The following DACH2 variants were observed in gnomAD, a reference collection of about 807,000 sequenced individuals.
DACH2 encodes the protein dachshund homolog 2.
A neutral mutation model predicts 35.8 loss-of-function variants in DACH2; 17 were observed. That is an observed-to-expected ratio of 0.48 (90% CI 0.33 to 0.71). DACH2 has a LOEUF of 0.71. Ranked by LOEUF, DACH2 falls within the 30% of genes least tolerant of loss-of-function variation. The probability of loss-of-function intolerance (pLI) is 0.02; values close to 1 mark genes in which losing one functional copy is unlikely to be tolerated. For synonymous variants in DACH2, 195 were observed against 177.3 expected, an observed-to-expected ratio of 1.10 and a Z score of -0.79; for missense variants, 469 against 472.7, an observed-to-expected ratio of 0.99 and a Z score of 0.07.
At chrX:86,246,728 C>T (rs73514101) in intron 1 of DACH2, among the ~76,000 whole-genome samples, 2,003 of 111,681 alleles carry the variant, frequency 0.018, 43 homozygotes, top group African/African-American at 0.062. Flanking sequence ...AAGTATATTG[C>T]CAAAACATAC....
intron 1 of DACH2, among the ~76,000 whole-genome samples, chrX:86,344,464 T>C (rs893594964): frequency 9.1e-6 from 1 of 109,597 alleles, no homozygotes; most frequent in Non-Finnish European, 1.9e-5. Flanking sequence ...TTATGTTTAC[T>C]TTTTTGTTGT....
At chrX:86,379,317 T>C (rs1370591392) in intron 2 of DACH2, among the ~76,000 whole-genome samples, 1 of 110,674 alleles carries the variant, frequency 9.0e-6, no homozygotes, top group Non-Finnish European at 1.9e-5. Context: ...TGAGATTTTA[T>C]TAAAAGGTAA....
intron 1 of DACH2, among the ~76,000 whole-genome samples, chrX:86,249,513 A>G (rs4828138): frequency 0.45 from 49,362 of 110,240 alleles, 9,117 homozygotes; most frequent in Non-Finnish European, 0.59. Context: ...ATCATCTCAT[A>G]CTAGTCAGAA....
chrX:86,684,143 A>T (rs1422370448), intron 4 of DACH2, among the ~76,000 whole-genome samples: 1 of 111,672 alleles, frequency 9.0e-6, no homozygotes, highest in Non-Finnish European at 1.9e-5. Flanking sequence ...GTGAGTAATA[A>T]TTAACTCTCA....
chrX:86,665,682 G>A (rs986368835), intron 4 of DACH2, among the ~76,000 whole-genome samples: 7 of 110,851 alleles, frequency 6.3e-5, no homozygotes, highest in Non-Finnish European at 1.3e-4. Context: ...ATATTTTTTT[G>A]TATCATCTAT....
At position 86,814,697 on chromosome X, in the gene DACH2, A is replaced by T; in HGVS notation, c.1547A>T (p.Gln516Leu). 2.5e-6 allele frequency: 3 copies of T among 1,211,391 alleles called. No individual in the cohort carries two copies. Among genetic ancestry groups the T allele is most frequent in the Non-Finnish European group, 3.4e-6 (3 of 895,220 alleles). The change falls in exon 10 of 12, where the codon CAA (glutamine) becomes CTA (leucine). Residue 516 changes from glutamine to leucine, a missense_variant. Around this residue, in one of 3 missense-constraint regions of DACH2, gnomAD observed 363 missense variants for 334.4 expected, o/e 1.09. Transcript: ENST00000373125. ...AVELQSRTTM[Q>L]KRLKKEKKTK... ...ACCTTTTACATTTCAGCTACTATGC[A>T]AAAGCGCCTGAAGAAGGAGAAAAAA...
At chrX:86,725,402 C>A (rs1194363974) in intron 6 of DACH2, among the ~76,000 whole-genome samples, 2 of 111,713 alleles carry the variant, frequency 1.8e-5, no homozygotes, top group African/African-American at 6.5e-5. Context: ...GTAATCTATA[C>A]ATTTTTTTCT....
intron 3 of DACH2, among the ~76,000 whole-genome samples, chrX:86,540,888 A>G (rs1349126902): frequency 8.9e-6 from 1 of 111,878 alleles, no homozygotes; most frequent in African/African-American, 3.2e-5. Flanking sequence ...TATGAATGCT[A>G]ATGGTATACT....
chrX:86,616,097 T>C (rs1433238764), intron 3 of DACH2, among the ~76,000 whole-genome samples: 1 of 111,480 alleles, frequency 9.0e-6, no homozygotes, highest in Non-Finnish European at 1.9e-5. Flanking sequence ...CCAAAACACA[T>C]GATCTCATTC....
intron 6 of DACH2, among the ~76,000 whole-genome samples, chrX:86,719,810 G>T (rs757291844): frequency 9.1e-6 from 1 of 110,404 alleles, no homozygotes; most frequent in Admixed American, 9.6e-5. Context: ...TGAGATTTGG[G>T]TGGGGACACA....
intron 1 of DACH2, among the ~76,000 whole-genome samples, chrX:86,321,559 C>G (rs1472622262): frequency 8.9e-6 from 1 of 112,036 alleles, no homozygotes; most frequent in Admixed American, 9.5e-5. Flanking sequence ...TATGGGGTCA[C>G]AGGCCATCCA....
chrX:86,215,578 CT>C (rs748107429), intron 1 of DACH2, among the ~76,000 whole-genome samples: 1 of 109,290 alleles, frequency 9.1e-6, no homozygotes, highest in South Asian at 3.8e-4. Context: ...CCATTGACCC[CT>C]GTCTACCAGT....
intron 1 of DACH2, among the ~76,000 whole-genome samples, chrX:86,247,259 A>G (rs889628869): frequency 3.6e-5 from 4 of 111,666 alleles, no homozygotes; most frequent in Non-Finnish European, 3.8e-5. Flanking sequence ...CAAGAAAAGA[A>G]GTAACCAAAA....
In DACH2 at chrX:86,282,041, G is replaced by A. The variant is rs6652448; in HGVS notation, c.489-94783G>A. 9.6e-3 allele frequency among the ~76,000 whole-genome samples: 1,080 copies of A among 112,184 alleles called. 9 individuals are homozygous for A. The highest frequency in any genetic ancestry group is 0.03 in the African/African-American group (921 of 30,865). ...GAAAAACATTCTATGCTCAGGTATAGGAAGAATGAATATCGTGAAAATAGC... is the reference window on the plus strand; with the variant it reads ...GAAAAACATTCTATGCTCAGGTATAAGAAGAATGAATATCGTGAAAATAGC... On this transcript the variant is annotated intron_variant, in intron 1 of 11. Transcript: ENST00000373125.
At chrX:86,806,707 G>A (rs1027266169) in intron 7 of DACH2, among the ~76,000 whole-genome samples, 7 of 112,150 alleles carry the variant, frequency 6.2e-5, no homozygotes, top group Non-Finnish European at 1.3e-4. Context: ...TACTCCACTT[G>A]TGGCTTAATG....
intron 1 of DACH2, among the ~76,000 whole-genome samples, chrX:86,274,116 G>T (rs1353279714): frequency 1.2e-5 from 1 of 85,013 alleles, no homozygotes; most frequent in Non-Finnish European, 2.2e-5. Context: ...TTCAGTTGCT[G>T]AAGGTCAACA....
At chrX:86,199,318 G>T (rs2032081845) in intron 1 of DACH2, among the ~76,000 whole-genome samples, 1 of 111,422 alleles carries the variant, frequency 9.0e-6, no homozygotes, top group Non-Finnish European at 1.9e-5. Flanking sequence ...CACATTGAAT[G>T]GGCAAAAGCT....
At chrX:86,750,804 T>C (rs1280464930) in intron 7 of DACH2, among the ~76,000 whole-genome samples, 5 of 111,676 alleles carry the variant, frequency 4.5e-5, no homozygotes, top group Non-Finnish European at 9.4e-5. Flanking sequence ...TATTTTATTG[T>C]ATTATGTAGC....
At chrX:86,384,046 G>A (rs979474703) in intron 2 of DACH2, among the ~76,000 whole-genome samples, 10 of 110,918 alleles carry the variant, frequency 9.0e-5, no homozygotes, top group African/African-American at 3.3e-4. Flanking sequence ...GAAGTCTGTC[G>A]TTTCTTTTAA....
Sources: allele counts gnomAD v4.1 joint callset (sites outside exome capture counted in the v4.1 genomes callset), GRCh38; gene constraint gnomAD v4.1.1; regional missense constraint gnomAD v4.1.1; transcripts MANE v1.5; gene names NCBI Gene and HGNC (gene_info 2026-07-23, HGNC 2026-07-21).